The following VGLL4 variants were observed in gnomAD, a reference collection of about 807,000 sequenced individuals.
VGLL4 encodes the protein transcription cofactor vestigial-like protein 4.
A neutral mutation model predicts 21.0 loss-of-function variants in VGLL4; 7 were observed. The observed-to-expected ratio is 0.33, with a 90% CI of 0.19 to 0.63. The LOEUF (loss-of-function observed/expected upper bound fraction) is 0.63, where lower values mean the gene tolerates loss of function less well. Ranked by LOEUF, VGLL4 falls within the 20% of genes least tolerant of loss-of-function variation. The probability of loss-of-function intolerance (pLI) is 0.78; values close to 1 mark genes in which losing one functional copy is unlikely to be tolerated. For missense variants in VGLL4, 394 were observed against 425.7 expected (o/e 0.93, Z 0.66); for synonymous variants, 222 against 173.2 (o/e 1.28, Z -2.21).
chr3:11,670,468 C>T (rs1307211483), intron 2 of VGLL4, among the ~76,000 whole-genome samples: 1 of 152,092 alleles, frequency 6.6e-6, no homozygotes, highest in African/African-American at 2.4e-5. Flanking sequence ...CCCAACAGCC[C>T]TTTTGGGAGG....
chr3:11,691,830 GCC>G (rs1452221757), intron 2 of VGLL4, among the ~76,000 whole-genome samples: 2 of 152,058 alleles, frequency 1.3e-5, no homozygotes, highest in African/African-American at 4.8e-5. Context: ...GCACTGCCAA[GCC>G]TGAGTAGGTA....
intron 2 of VGLL4, among the ~76,000 whole-genome samples, chr3:11,570,767 C>T (rs564386371): frequency 1.6e-4 from 25 of 152,306 alleles, no homozygotes; most frequent in South Asian, 8.3e-4. Flanking sequence ...TTAGTCCCTT[C>T]CTCCAACTTC....
At chr3:11,567,532 C>T (rs978368971) in intron 2 of VGLL4, among the ~76,000 whole-genome samples, 4 of 152,132 alleles carry the variant, frequency 2.6e-5, no homozygotes, top group Admixed American at 1.3e-4. Context: ...CACATCCTGG[C>T]GATTTTCAAA....
chr3:11,685,349 C>T (rs1454763574), intron 2 of VGLL4, among the ~76,000 whole-genome samples: 2 of 152,094 alleles, frequency 1.3e-5, no homozygotes, highest in Non-Finnish European at 2.9e-5. Context: ...CAGGCGCGTG[C>T]CCCCACAGCT....
upstream of VGLL4, among the ~76,000 whole-genome samples, chr3:11,644,799 T>A (rs1575489618): frequency 7.1e-6 from 1 of 140,898 alleles, no homozygotes; most frequent in East Asian, 2.1e-4. Context: ...TGAGCCAAGA[T>A]CGTGACACTG....
At chr3:11,637,618 C>G (rs542617805) in intron 1 of VGLL4, among the ~76,000 whole-genome samples, 5 of 152,082 alleles carry the variant, frequency 3.3e-5, no homozygotes, top group Non-Finnish European at 7.4e-5. Flanking sequence ...ATACATAATA[C>G]CTTGAAATTA....
chr3:11,649,953 T>TGGTTTGGTTTGG, intron 2 of VGLL4, among the ~76,000 whole-genome samples: 1 of 147,800 alleles, frequency 6.8e-6, no homozygotes, highest in South Asian at 2.1e-4. Flanking sequence ...TGGTTTGGTT[T>TGGTTTGGTTTGG]TTTTGAAACA....
At chr3:11,562,091 T>A (rs2073072941) in intron 3 of VGLL4, among the ~76,000 whole-genome samples, 2 of 151,620 alleles carry the variant, frequency 1.3e-5, no homozygotes, top group African/African-American at 4.9e-5. Flanking sequence ...AAAAACAGGG[T>A]TTCACCATGT....
intron 2 of VGLL4, among the ~76,000 whole-genome samples, chr3:11,585,206 C>A (rs575528877): frequency 6.6e-6 from 1 of 152,006 alleles, no homozygotes; most frequent in East Asian, 1.9e-4. Context: ...GAGGCCGAGG[C>A]GGGCAGATCA....
chr3:11,676,137 C>T (rs1443310645), intron 2 of VGLL4, among the ~76,000 whole-genome samples: 1 of 152,104 alleles, frequency 6.6e-6, no homozygotes, highest in Non-Finnish European at 1.5e-5. Context: ...CCTGTAATCC[C>T]AGCACTTTGG....
chr3:11,693,062 C>T (rs562330447), intron 2 of VGLL4: 3 of 187,308 alleles, frequency 1.6e-5, no homozygotes, highest in African/African-American at 4.8e-5. Context: ...CCCAGCTACT[C>T]GAGAGGCTGA....
rs530334264 is a variant in VGLL4, at chr3:11,661,192, T to C, written c.64+41779A>G. On this transcript the variant is annotated intron_variant, in intron 2 of 5. Coordinates refer to the VGLL4 transcript ENST00000273038. ...GGCTGACTGCAATGAAGGTTGCCAG[T>C]GCCCCCCGACTCCACCCCAGCTCCT... is the stretch of plus-strand genomic sequence containing the variant. Among the ~76,000 whole-genome samples, 410 of 152,210 alleles carry C rather than the reference T, an allele frequency of 2.7e-3. 5 individuals carry two copies. Among genetic ancestry groups the C allele is most frequent in the Non-Finnish European group, 5.1e-3 (350 of 68,000 alleles).
chr3:11,573,356 A>AAGG (rs2073925127), intron 2 of VGLL4, among the ~76,000 whole-genome samples: 1 of 99,632 alleles, frequency 1.0e-5, no homozygotes, highest in Non-Finnish European at 2.5e-5. Context: ...AGAAAGAAAG[A>AAGG]AAGAAAGAAA....
At chr3:11,663,534 A>G (rs2076065893) in intron 2 of VGLL4, among the ~76,000 whole-genome samples, 1 of 152,152 alleles carries the variant, frequency 6.6e-6, no homozygotes, top group Non-Finnish European at 1.5e-5. Context: ...CCTGGCCAAC[A>G]TGGCAAAACC....
upstream of VGLL4, among the ~76,000 whole-genome samples, chr3:11,648,018 A>G (rs9877451): frequency 0.5 from 75,368 of 151,508 alleles, 19,060 homozygotes; most frequent in East Asian, 0.59. Context: ...GAAAATATCA[A>G]TCCTTCTCAG....
chr3:11,671,750 A>T (rs2076220674), intron 2 of VGLL4, among the ~76,000 whole-genome samples: 1 of 152,148 alleles, frequency 6.6e-6, no homozygotes, highest in Non-Finnish European at 1.5e-5. Flanking sequence ...TTCAACTGGG[A>T]AAATTCCACG....
upstream of VGLL4, chr3:11,720,796 G>A (rs1022184170): frequency 1.3e-5 from 2 of 152,298 alleles, no homozygotes; most frequent in Admixed American, 1.3e-4. Context: ...AATTGGCGCA[G>A]GTTCTTATAT....
intron 1 of VGLL4, among the ~76,000 whole-genome samples, chr3:11,711,823 G>A (rs908930008): frequency 1.3e-5 from 2 of 152,210 alleles, no homozygotes; most frequent in African/African-American, 4.8e-5. Flanking sequence ...CTGCCCTTGA[G>A]CACCGTACAC....
At chr3:11,561,518 C>T (rs2072999237) in intron 3 of VGLL4, among the ~76,000 whole-genome samples, 1 of 152,154 alleles carries the variant, frequency 6.6e-6, no homozygotes. Flanking sequence ...CGTGAGCCCT[C>T]GTGGGACTGG....
Sources: gnomAD v4.1 joint callset for allele counts (sites outside exome capture counted in the v4.1 genomes callset) on GRCh38, gnomAD v4.1.1 for gene constraint, MANE v1.5 for transcripts, NCBI Gene and HGNC (gene_info 2026-07-23, HGNC 2026-07-21) for gene names.